Variants in FAM24B observed in about 807,000 individuals in gnomAD.
FAM24B encodes the protein protein FAM24B.
A neutral mutation model predicts 2.3 loss-of-function variants in FAM24B; 3 were observed. The observed-to-expected ratio is 1.29, with a 90% confidence interval of 0.59 to 3.32. FAM24B has a LOEUF of 3.32. FAM24B is among the 30% of genes most tolerant of loss of function. FAM24B has a pLI of 0.03. For missense variants in FAM24B, 98 were observed against 117.2 expected, an observed-to-expected ratio of 0.84 and a Z score of 0.76; for synonymous variants, 36 against 46.3, an observed-to-expected ratio of 0.78 and a Z score of 0.90.
At chr10:122,879,420 C>T (rs1848039867) in intron 1 of FAM24B, 65 bp downstream of exon 1, 1 of 152,314 alleles carries the variant, frequency 6.6e-6, no homozygotes, top group South Asian at 2.1e-4. Context: ...CTGGCGTCCA[C>T]TCGGGAAAGA....
chr10:122,854,798 T>C (rs183323979), intron 2 of FAM24B, among the ~76,000 whole-genome samples: 1 of 152,362 alleles, frequency 6.6e-6, no homozygotes, highest in East Asian at 1.9e-4. Context: ...AAATTCTCTG[T>C]AATACACATC....
intron 1 of FAM24B, among the ~76,000 whole-genome samples, chr10:122,871,993 G>A (rs573914785): frequency 2.6e-5 from 4 of 152,230 alleles, no homozygotes; most frequent in African/African-American, 4.8e-5. Context: ...CCGTCAGAGT[G>A]AACAGGCAAC....
chr10:122,853,301 A>T (rs1431475517), intron 2 of FAM24B, among the ~76,000 whole-genome samples: 1 of 152,038 alleles, frequency 6.6e-6, no homozygotes, highest in Non-Finnish European at 1.5e-5. Context: ...GTTTCCTTAC[A>T]TTTTGTACCC....
intron 1 of FAM24B, among the ~76,000 whole-genome samples, chr10:122,866,577 T>C (rs1847807338): frequency 6.6e-6 from 1 of 152,114 alleles, no homozygotes; most frequent in Non-Finnish European, 1.5e-5. Context: ...CTGTCACATT[T>C]TGGTAATTCT....
chr10:122,851,728 A>C (rs1243884301), intron 2 of FAM24B, among the ~76,000 whole-genome samples: 1 of 152,232 alleles, frequency 6.6e-6, no homozygotes, highest in Non-Finnish European at 1.5e-5. Context: ...AGTATGGCCC[A>C]TAAAGGAGTG....
intron 1 of FAM24B, among the ~76,000 whole-genome samples, chr10:122,856,515 G>A (rs932268829): frequency 2.6e-5 from 4 of 152,182 alleles, no homozygotes; most frequent in Admixed American, 1.3e-4. Flanking sequence ...GCCTGGGGGA[G>A]GTCATAAAGC....
chr10:122,878,855 A>G (rs1848023448), intron 1 of FAM24B, among the ~76,000 whole-genome samples: 1 of 151,750 alleles, frequency 6.6e-6, no homozygotes, highest in Non-Finnish European at 1.5e-5. Flanking sequence ...TAAGGAAGTC[A>G]AAATCCAGCT....
intron 1 of FAM24B, among the ~76,000 whole-genome samples, chr10:122,859,825 G>A (rs1847699231): frequency 6.6e-6 from 1 of 152,138 alleles, no homozygotes; most frequent in African/African-American, 2.4e-5. Flanking sequence ...GCCCTTCCGA[G>A]ATGCCCCATT....
chr10:122,858,680 T>C (rs956752657), intron 1 of FAM24B, among the ~76,000 whole-genome samples: 2 of 152,110 alleles, frequency 1.3e-5, no homozygotes, highest in African/African-American at 2.4e-5. Context: ...AGGAAAGTTC[T>C]AGGAACTGGG....
intron 2 of FAM24B, among the ~76,000 whole-genome samples, chr10:122,852,676 T>G (rs948705013): frequency 6.6e-6 from 1 of 152,200 alleles, no homozygotes. Context: ...GGGTCTCCAC[T>G]GATACCACAG....
rs1847717466 is a variant in FAM24B at position 122,860,885 on chromosome 10, C to T, written c.-177-5099G>A. Among the ~76,000 whole-genome samples the T allele has an allele frequency of 1.3e-5, 2 of 152,152 alleles. 1 individual carries two copies. The highest frequency in any genetic ancestry group is 4.2e-4 in the South Asian group (2 of 4,818). On this transcript the variant is annotated intron_variant, in intron 1 of 3. Transcript: ENST00000368898. ...CTTATTTCCTGAAATTAGGTATTTACTTTATTATTCAGTTTTTAGAGTTCC... is the reference window on the plus strand; with the variant it reads ...CTTATTTCCTGAAATTAGGTATTTATTTTATTATTCAGTTTTTAGAGTTCC...
intron 1 of FAM24B, among the ~76,000 whole-genome samples, chr10:122,871,633 C>T (rs1443188761): frequency 2.6e-5 from 4 of 152,008 alleles, no homozygotes; most frequent in African/African-American, 4.8e-5. Flanking sequence ...AATAATGCCG[C>T]GTATCTACAA....
chr10:122,866,275 G>C (rs7091777), intron 1 of FAM24B, among the ~76,000 whole-genome samples: 72,054 of 151,770 alleles, frequency 0.47, 17,916 homozygotes, highest in Non-Finnish European at 0.54. Context: ...TTAATAATTT[G>C]TGTCTTTTTT....
chr10:122,872,740 A>C (rs1320485262), intron 1 of FAM24B, among the ~76,000 whole-genome samples: 1 of 152,122 alleles, frequency 6.6e-6, no homozygotes, highest in Non-Finnish European at 1.5e-5. Flanking sequence ...GAACAATGAG[A>C]ACACATGGAC....
intron 1 of FAM24B, among the ~76,000 whole-genome samples, chr10:122,867,709 A>C (rs1362396270): frequency 1.3e-5 from 2 of 152,230 alleles, no homozygotes; most frequent in Non-Finnish European, 2.9e-5. Context: ...AGTAAACTCC[A>C]ACAGACTTGC....
chr10:122,873,869 G>A (rs371757792), intron 1 of FAM24B, among the ~76,000 whole-genome samples: 14 of 152,048 alleles, frequency 9.2e-5, no homozygotes, highest in South Asian at 6.2e-4. Flanking sequence ...TTGAAACTTC[G>A]AGCCAAGTGT....
intron 1 of FAM24B, among the ~76,000 whole-genome samples, chr10:122,874,482 T>C (rs1847947440): frequency 6.6e-6 from 1 of 152,208 alleles, no homozygotes; most frequent in Admixed American, 6.5e-5. Flanking sequence ...TTTAAGAAAA[T>C]CTTTAAGTCT....
chr10:122,873,198 C>T (rs1847925981), intron 1 of FAM24B, among the ~76,000 whole-genome samples: 1 of 152,160 alleles, frequency 6.6e-6, no homozygotes, highest in South Asian at 2.1e-4. Flanking sequence ...GAGGTCAACG[C>T]CTGGCTTCAA....
chr10:122,873,088 A>AT (rs1847923902), intron 1 of FAM24B, among the ~76,000 whole-genome samples: 1 of 152,200 alleles, frequency 6.6e-6, no homozygotes, highest in Non-Finnish European at 1.5e-5. Flanking sequence ...TCTAGCTAGG[A>AT]TAATTCATGA....
Sources: gnomAD v4.1 joint callset for allele counts (sites outside exome capture counted in the v4.1 genomes callset) on GRCh38, gnomAD v4.1.1 for gene constraint, MANE v1.5 for transcripts, NCBI Gene and HGNC (gene_info 2026-07-23, HGNC 2026-07-21) for gene names.